Variants in PLPPR1 observed in about 807,000 individuals in gnomAD.
PLPPR1 encodes the protein phospholipid phosphatase related 1.
PLPPR1 carries 10 observed loss-of-function variants against 33.1 expected under a neutral mutation model. That is an observed-to-expected ratio of 0.30 (90% CI 0.19 to 0.51). The LOEUF is 0.51. Among genes scored for constraint, PLPPR1 ranks in the 20% least tolerant of loss-of-function variants. The pLI, the probability that PLPPR1 is intolerant of heterozygous loss-of-function variation, is 0.97. For synonymous variants in PLPPR1, 151 were observed against 151.0 expected (o/e 1.00, Z 0.00); for missense variants, 304 against 408.1 (o/e 0.74, Z 2.20).
intron 1 of PLPPR1, among the ~76,000 whole-genome samples, chr9:101,074,723 G>T (rs1360446960): frequency 2.6e-5 from 4 of 152,090 alleles, no homozygotes; most frequent in African/African-American, 7.2e-5. Flanking sequence ...AACACCGAGA[G>T]AATGGTGTAT....
intron 4 of PLPPR1, among the ~76,000 whole-genome samples, chr9:101,308,270 G>A (rs921532180): frequency 6.6e-6 from 1 of 152,184 alleles, no homozygotes; most frequent in Non-Finnish European, 1.5e-5. Flanking sequence ...CAGAGTCAGA[G>A]GAGATACAAC....
At chr9:101,239,359 G>A (rs1827403634) in intron 2 of PLPPR1, among the ~76,000 whole-genome samples, 1 of 151,464 alleles carries the variant, frequency 6.6e-6, no homozygotes, top group African/African-American at 2.4e-5. Context: ...TCCCTTTTTG[G>A]GGACTAGAGG....
chr9:101,308,628 C>G (rs1828897633), intron 4 of PLPPR1, among the ~76,000 whole-genome samples: 1 of 152,066 alleles, frequency 6.6e-6, no homozygotes, highest in Non-Finnish European at 1.5e-5. Flanking sequence ...AACTCCAATT[C>G]AAGCAAAGTT....
At chr9:101,189,747 T>C (rs1348284186) in intron 2 of PLPPR1, among the ~76,000 whole-genome samples, 3 of 152,168 alleles carry the variant, frequency 2.0e-5, no homozygotes, top group Non-Finnish European at 4.4e-5. Flanking sequence ...GCCCATCTCG[T>C]TGCTGCTTTT....
chr9:101,270,442 T>C (rs1405027699), intron 3 of PLPPR1, among the ~76,000 whole-genome samples: 1 of 152,204 alleles, frequency 6.6e-6, no homozygotes, highest in Non-Finnish European at 1.5e-5. Context: ...CTGGCACTGA[T>C]ATAATGGCTG....
At chr9:101,305,136 A>G (rs1049038437) in intron 4 of PLPPR1, among the ~76,000 whole-genome samples, 7 of 152,078 alleles carry the variant, frequency 4.6e-5, no homozygotes, top group African/African-American at 1.7e-4. Context: ...GCCTTTCCCT[A>G]GATTTTCTCC....
At chr9:101,279,620 T>C (rs1391328102) in intron 3 of PLPPR1, among the ~76,000 whole-genome samples, 1 of 152,184 alleles carries the variant, frequency 6.6e-6, no homozygotes, top group Non-Finnish European at 1.5e-5. Flanking sequence ...ATCAAGTATA[T>C]TCTCTGACCA....
intron 3 of PLPPR1, among the ~76,000 whole-genome samples, chr9:101,270,344 T>G (rs1288040930): frequency 6.6e-6 from 1 of 152,228 alleles, no homozygotes; most frequent in Non-Finnish European, 1.5e-5. Context: ...ACAGGTATGA[T>G]TGGCTAATGT....
At chr9:101,070,224 A>G (rs554275706) in intron 1 of PLPPR1, among the ~76,000 whole-genome samples, 54 of 152,226 alleles carry the variant, frequency 3.5e-4, no homozygotes, top group African/African-American at 1.3e-3. Flanking sequence ...ATTCTTCTGT[A>G]CAGGAGATTC....
At chr9:101,206,379 G>A (rs1390184973) in intron 2 of PLPPR1, among the ~76,000 whole-genome samples, 1 of 152,182 alleles carries the variant, frequency 6.6e-6, no homozygotes, top group Non-Finnish European at 1.5e-5. Context: ...AGATTATGCT[G>A]TAGGACTATA....
chr9:101,073,728 T>G (rs76358479), intron 1 of PLPPR1, among the ~76,000 whole-genome samples: 1 of 152,182 alleles, frequency 6.6e-6, no homozygotes, highest in East Asian at 1.9e-4. Context: ...TGCTTAATTT[T>G]TACAATGTGT....
In PLPPR1 at chr9:101,210,702, T is replaced by G. The variant is rs112018496; in HGVS notation, c.63+25145T>G. 2.2e-3 allele frequency among the ~76,000 whole-genome samples: 342 copies of G among 152,364 alleles called. 5 individuals are homozygous for G. The highest frequency in any genetic ancestry group is 7.9e-3 in the African/African-American group (327 of 41,582). On this transcript the variant is annotated intron_variant, in intron 2 of 7. Transcript: ENST00000374874. The stretch of plus-strand genomic sequence containing the variant: ...ATCTTTACCATGGAAGTGGGTATCC[T>G]TCCATTTTTAATTGTAATTGAACTT...
chr9:101,196,697 T>C (rs565760905), intron 2 of PLPPR1, among the ~76,000 whole-genome samples: 41 of 152,132 alleles, frequency 2.7e-4, no homozygotes, highest in African/African-American at 7.9e-4. Flanking sequence ...ACGTCTCTAC[T>C]AAAAATATAA....
chr9:101,126,499 G>A (rs970580497), intron 1 of PLPPR1, among the ~76,000 whole-genome samples: 7 of 152,146 alleles, frequency 4.6e-5, no homozygotes, highest in African/African-American at 1.7e-4. Context: ...AATTGTTGCC[G>A]TTTGTAAGGG....
At chr9:101,266,700 T>G (rs1828005418) in intron 2 of PLPPR1, among the ~76,000 whole-genome samples, 1 of 152,342 alleles carries the variant, frequency 6.6e-6, no homozygotes, top group African/African-American at 2.4e-5. Context: ...GTTCTATAGA[T>G]CTCAAATTTA....
rs373605114 is a variant in PLPPR1 at position 101,280,750 on chromosome 9, G to A, written c.253-5354G>A. Reference sequence around the variant, plus strand: ...TCATAATTAAAAACCCTCATAAAACGGAGTATAGAAGGAACATACCTCAAC... The same window carrying A: ...TCATAATTAAAAACCCTCATAAAACAGAGTATAGAAGGAACATACCTCAAC... On this transcript the variant is annotated intron_variant, in intron 3 of 7. Transcript: ENST00000374874. Among the ~76,000 whole-genome samples, 25 of 151,992 alleles carry A rather than the reference G, an allele frequency of 1.6e-4. No individual in the cohort carries two copies. The East Asian group carries it at 4.4e-3, about 27-fold the overall frequency.
At chr9:101,122,746 C>G (rs1831192983) in intron 1 of PLPPR1, among the ~76,000 whole-genome samples, 1 of 152,144 alleles carries the variant, frequency 6.6e-6, no homozygotes, top group Admixed American at 6.5e-5. Context: ...CCAGGACAAA[C>G]TCTGAATTAG....
chr9:101,087,205 AT>A (rs146364638), intron 1 of PLPPR1, among the ~76,000 whole-genome samples: 3,838 of 146,280 alleles, frequency 0.026, 86 homozygotes, highest in East Asian at 0.079. Flanking sequence ...TAAAATAAAA[AT>A]AAAAAAAATT....
At chr9:101,098,013 C>T (rs943888674) in intron 1 of PLPPR1, among the ~76,000 whole-genome samples, 4 of 146,526 alleles carry the variant, frequency 2.7e-5, no homozygotes, top group African/African-American at 9.8e-5. Flanking sequence ...TAACACTGAA[C>T]CTGAACATGG....
Sources: allele counts gnomAD v4.1 joint callset (sites outside exome capture counted in the v4.1 genomes callset), GRCh38; gene constraint gnomAD v4.1.1; transcripts MANE v1.5; gene names NCBI Gene and HGNC (gene_info 2026-07-23, HGNC 2026-07-21).